The following LHPP variants were observed in gnomAD, a reference collection of about 807,000 sequenced individuals.
LHPP encodes the protein phospholysine phosphohistidine inorganic pyrophosphate phosphatase, also known as hLHPP.
A neutral mutation model predicts 30.3 loss-of-function variants in LHPP; 24 were observed. That is an observed-to-expected ratio of 0.79 (90% CI 0.57 to 1.11). LHPP has a LOEUF of 1.11. Among genes scored for constraint, LHPP ranks in the 50% most tolerant of loss-of-function variants. LHPP has a pLI of 0.00. For synonymous variants in LHPP, 150 were observed against 157.1 expected (o/e 0.95, Z 0.34); for missense variants, 356 against 367.2 (o/e 0.97, Z 0.25).
chr10:124,485,620 CAG>C (rs1314990340), intron 2 of LHPP, among the ~76,000 whole-genome samples: 3 of 149,676 alleles, frequency 2.0e-5, no homozygotes, highest in East Asian at 2.0e-4. Flanking sequence ...TTTTTGGAGA[CAG>C]AGTCTTGCTC....
intron 6 of LHPP, among the ~76,000 whole-genome samples, chr10:124,562,318 C>CAAAT (rs1380974688): frequency 1.3e-5 from 2 of 151,546 alleles, no homozygotes; most frequent in East Asian, 3.9e-4. Flanking sequence ...AACAAACAAA[C>CAAAT]AAACAAACAA....
intron 6 of LHPP, among the ~76,000 whole-genome samples, chr10:124,537,167 G>A (rs939661300): frequency 6.6e-6 from 1 of 152,186 alleles, no homozygotes; most frequent in Non-Finnish European, 1.5e-5. Context: ...TGGTGCACCC[G>A]GAGCCTGGCT....
chr10:124,479,723 T>C (rs1564774888), intron 1 of LHPP, among the ~76,000 whole-genome samples: 1 of 152,208 alleles, frequency 6.6e-6, no homozygotes, highest in Admixed American at 6.5e-5. Flanking sequence ...CCCACCCTTA[T>C]GCCTTCATTT....
chr10:124,554,412 T>C (rs1311827164), intron 6 of LHPP, among the ~76,000 whole-genome samples: 3 of 152,336 alleles, frequency 2.0e-5, no homozygotes, highest in Admixed American at 6.5e-5. Context: ...TGGCCCAGGC[T>C]GGTCTTGAAC....
intron 1 of LHPP, among the ~76,000 whole-genome samples, chr10:124,472,002 G>A (rs984285544): frequency 3.3e-5 from 5 of 151,948 alleles, no homozygotes; most frequent in African/African-American, 1.2e-4. Flanking sequence ...TGAGAATGAT[G>A]GAAGTGTTTT....
At chr10:124,534,717 C>T (rs1286556584) in intron 6 of LHPP, among the ~76,000 whole-genome samples, 1 of 152,216 alleles carries the variant, frequency 6.6e-6, no homozygotes, top group African/African-American at 2.4e-5. Context: ...TTCCTATGCG[C>T]TCTCGGGGCT....
chr10:124,576,548 C>T lies in LHPP; in HGVS notation c.717-36716C>T, dbSNP rs985593945. ...TGGCCTGCCCCCAGATCCCCCTTTG[C>T]TGCCACCCCTATATCTTACCCCAGA... On this transcript the variant is annotated intron_variant, in intron 6 of 6. Transcript: ENST00000368842. The surrounding 1 kb of genome is among the most constrained non-coding windows in gnomAD (Gnocchi z 4.2). Among the ~76,000 whole-genome samples the T allele has an allele frequency of 1.3e-5, 2 of 150,952 alleles. No homozygotes were observed. The highest frequency in any genetic ancestry group is 4.9e-5 in the African/African-American group (2 of 41,080).
chr10:124,496,826 C>T lies in LHPP; in HGVS notation c.468-135C>T. The T allele has an allele frequency of 1.3e-6, 1 of 745,534 alleles. No homozygotes were observed. The highest frequency in any genetic ancestry group is 2.3e-6 in the Non-Finnish European group (1 of 441,370). The allele number at this position is 745,534 out of a possible 1,614,324, so 46.2% of individuals were successfully genotyped here. A position where few individuals can be genotyped will look rare whatever the true frequency, so the allele number is the denominator to read the frequency against. On this transcript the variant is annotated intron_variant, in intron 3 of 6. Coordinates refer to ENST00000368842, the MANE Select transcript of LHPP (RefSeq NM_022126.4). The surrounding 1 kb of genome is among the most constrained non-coding windows in gnomAD (Gnocchi z 4.3). ...TCCCCTGCGGTCATTCTCAGCGTAG[C>T]GCCTGGACTGCCCCTCAGCCGCGGC...
rs1949220812 is a variant in LHPP at position 124,612,945 on chromosome 10, T to C, written c.717-319T>C. On this transcript the variant is annotated intron_variant, in intron 6 of 6. Coordinates refer to ENST00000368842, the MANE Select transcript of LHPP (RefSeq NM_022126.4). ...GCAGGGTACACTCATGTCCCCACCA[T>C]CCAAGGTGAGATGTCTGTGCTGGAG... is the stretch of plus-strand genomic sequence containing the variant. 3 of 410,976 alleles carry C rather than the reference T, an allele frequency of 7.3e-6. No individual in the cohort carries two copies. The South Asian group carries it at 7.6e-5, about 10-fold the overall frequency. The allele number at this position is 410,976 out of a possible 1,614,324, so 25.5% of individuals were successfully genotyped here. A position where few individuals can be genotyped will look rare whatever the true frequency, so the allele number is the denominator to read the frequency against.
intron 6 of LHPP, among the ~76,000 whole-genome samples, chr10:124,597,534 G>C (rs75964044): frequency 0.017 from 2,651 of 152,358 alleles, 76 homozygotes; most frequent in African/African-American, 0.061. Context: ...GTGGGGCTGC[G>C]TGACTCCAGC....
At chr10:124,581,925 G>T (rs1017081527) in intron 6 of LHPP, among the ~76,000 whole-genome samples, 4 of 151,942 alleles carry the variant, frequency 2.6e-5, no homozygotes, top group Admixed American at 2.6e-4. Context: ...GGGACTACAG[G>T]TGCCCACCAC....
chr10:124,472,560 C>A (rs1429615917), intron 1 of LHPP, among the ~76,000 whole-genome samples: 1 of 141,610 alleles, frequency 7.1e-6, no homozygotes, highest in African/African-American at 2.6e-5. Context: ...TATAAACTTA[C>A]TTTTTTTTTT....
rs965403342 is a variant in LHPP, at chr10:124,595,338, C to T, written c.717-17926C>T. ...CAGTCTGGGCCCAGAGCCCGGTTGT[C>T]CCCCATGGAGCCACACAGCAGGCAC... is the stretch of plus-strand genomic sequence containing the variant. On this transcript the variant is annotated intron_variant, in intron 6 of 6. Coordinates refer to ENST00000368842, the MANE Select transcript of LHPP (RefSeq NM_022126.4). Among the ~76,000 whole-genome samples the T allele has an allele frequency of 2.0e-5, 3 of 152,312 alleles. No individual in the cohort carries two copies. In the South Asian group the frequency reaches 6.2e-4, roughly 32 times the overall value.
In LHPP at chr10:124,596,077, G is replaced by A. The variant is rs115355100; in HGVS notation, c.717-17187G>A. Reference sequence around the variant, plus strand: ...GTTCATTTCATCCGTGTTGTTCTGTGCAGCCAGACTCCATCCTACGGCATC... The same window carrying A: ...GTTCATTTCATCCGTGTTGTTCTGTACAGCCAGACTCCATCCTACGGCATC... On this transcript the variant is annotated intron_variant, in intron 6 of 6. Transcript: ENST00000368842. This position sits in a 1 kb window ranked among gnomAD's most constrained non-coding sequence, Gnocchi z 4.6. 3.1e-3 allele frequency among the ~76,000 whole-genome samples: 465 copies of A among 152,276 alleles called. 5 individuals are homozygous for A. Among genetic ancestry groups the A allele is most frequent in the Middle Eastern group, 0.024 (7 of 294 alleles).
In LHPP at chr10:124,596,461, G is replaced by T. The variant is rs546045453; in HGVS notation, c.717-16803G>T. ...TGGCCATTCAGGTGGACGTGGAGCG[G>T]TGTCATTTCCTTCCTGAGGGGCCTG... On this transcript the variant is annotated intron_variant, in intron 6 of 6. Transcript: ENST00000368842. The surrounding 1 kb of genome is among the most constrained non-coding windows in gnomAD (Gnocchi z 4.6). 6.6e-6 allele frequency among the ~76,000 whole-genome samples: 1 copy of T among 152,174 alleles called. No individual in the cohort carries two copies. The highest frequency in any genetic ancestry group is 1.5e-5 in the Non-Finnish European group (1 of 68,034).
chr10:124,509,563 CT>C (rs1269937299), intron 5 of LHPP, among the ~76,000 whole-genome samples: 27 of 147,160 alleles, frequency 1.8e-4, no homozygotes, highest in East Asian at 3.9e-4. Context: ...TGATTTCTGA[CT>C]TTTTTTTTTT....
chr10:124,561,018 G>A (rs1948386904), intron 6 of LHPP, among the ~76,000 whole-genome samples: 1 of 152,182 alleles, frequency 6.6e-6, no homozygotes, highest in African/African-American at 2.4e-5. Flanking sequence ...AAGGCAGACT[G>A]ACCAGGGACC....
At chr10:124,498,623 TCTGG>T (rs1350238460) in intron 5 of LHPP, 1 of 700,262 alleles carries the variant, frequency 1.4e-6, no homozygotes, top group Non-Finnish European at 2.4e-6. Flanking sequence ...CCTAAGTGAG[TCTGG>T]CTTCGTCCTC....
chr10:124,510,915 G>A lies in LHPP; in HGVS notation c.625-6265G>A, dbSNP rs1564800824. 6.6e-6 allele frequency among the ~76,000 whole-genome samples: 1 copy of A among 152,130 alleles called. No homozygotes were observed. The highest frequency in any genetic ancestry group is 1.9e-4 in the East Asian group (1 of 5,170). On this transcript the variant is annotated intron_variant, in intron 5 of 6. Transcript: ENST00000368842. This position sits in a 1 kb window ranked among gnomAD's most constrained non-coding sequence, Gnocchi z 4.0. The stretch of plus-strand genomic sequence containing the variant: ...CAGATGCCAGCAGCCGTGGGGGCTT[G>A]CCCGGCCAGCCCTGGCTTTTCCCAA...
Sources: allele counts gnomAD v4.1 joint callset (sites outside exome capture counted in the v4.1 genomes callset), GRCh38; gene constraint gnomAD v4.1.1; non-coding constraint Gnocchi (gnomAD v3.1); transcripts MANE v1.5; gene names NCBI Gene and HGNC (gene_info 2026-07-23, HGNC 2026-07-21).